The following NAV3 variants were observed in gnomAD, a reference collection of about 807,000 sequenced individuals.
NAV3 encodes the protein pore membrane and/or filament interacting like protein 1.
In NAV3, 87 loss-of-function variants were observed where a neutral mutation model predicts 244.7. The observed-to-expected ratio is 0.36, with a 90% CI of 0.30 to 0.42. NAV3 has a LOEUF of 0.42. Ranked by LOEUF, NAV3 falls within the 20% of genes least tolerant of loss-of-function variation. The pLI, the probability that NAV3 is intolerant of heterozygous loss-of-function variation, is 1.00. For missense variants in NAV3, 2,663 were observed against 2,893.3 expected (o/e 0.92, Z 1.83); for synonymous variants, 1,126 against 1,042.2 (o/e 1.08, Z -1.55).
chr12:77,838,130 A>T (rs2136139128), intron 1 of NAV3, among the ~76,000 whole-genome samples: 1 of 152,314 alleles, frequency 6.6e-6, no homozygotes, highest in Non-Finnish European at 1.5e-5. Flanking sequence ...AGTTATTTGT[A>T]TTTAAAGAAA....
intron 2 of NAV3, among the ~76,000 whole-genome samples, chr12:77,657,646 T>C (rs897290400): frequency 4.6e-5 from 7 of 151,988 alleles, no homozygotes; most frequent in East Asian, 1.9e-4. Flanking sequence ...CGGGCAGAGA[T>C]ACAACCAAAA....
chr12:77,939,311 G>C (rs532892213), intron 1 of NAV3, among the ~76,000 whole-genome samples: 2 of 152,172 alleles, frequency 1.3e-5, no homozygotes, highest in East Asian at 1.9e-4. Flanking sequence ...CCACTGCAAG[G>C]AAGGTCCTTC....
chr12:77,866,945 A>G (rs1880136652), intron 1 of NAV3, among the ~76,000 whole-genome samples: 1 of 152,232 alleles, frequency 6.6e-6, no homozygotes, highest in South Asian at 2.1e-4. Context: ...CTAGAGTATT[A>G]GAATGAACTG....
chr12:78,139,359 C>T (rs1956508890), intron 19 of NAV3, among the ~76,000 whole-genome samples: 1 of 152,088 alleles, frequency 6.6e-6, no homozygotes, highest in South Asian at 2.1e-4. Context: ...CCATATTGAT[C>T]TCAGTAGCAA....
intron 12 of NAV3, among the ~76,000 whole-genome samples, chr12:78,064,414 TCTGTCTGTCTGTCTGC>T (rs1884726341): frequency 7.1e-6 from 1 of 140,036 alleles, no homozygotes. Context: ...TGTCTGTCTG[TCTGTCTGTCTGTCTGC>T]CTGCCTGCCT....
At chr12:77,982,961 T>C (rs1272302324) in intron 5 of NAV3, among the ~76,000 whole-genome samples, 1 of 152,146 alleles carries the variant, frequency 6.6e-6, no homozygotes, top group Non-Finnish European at 1.5e-5. Flanking sequence ...ACTCAGACTC[T>C]AAGAGATGGG....
intron 3 of NAV3, among the ~76,000 whole-genome samples, chr12:77,948,074 A>T (rs113254305): frequency 4.6e-5 from 7 of 151,948 alleles, no homozygotes; most frequent in African/African-American, 7.2e-5. Flanking sequence ...TACCTTGATT[A>T]AAAAAAATGC....
chr12:77,987,236 AT>A (rs1870677226), intron 5 of NAV3, among the ~76,000 whole-genome samples: 1 of 152,218 alleles, frequency 6.6e-6, no homozygotes, highest in South Asian at 2.1e-4. Context: ...AAATACTTCA[AT>A]TGATATTTGA....
chr12:77,688,267 G>C (rs1874848690), intron 2 of NAV3, among the ~76,000 whole-genome samples: 1 of 151,994 alleles, frequency 6.6e-6, no homozygotes, highest in South Asian at 2.1e-4. Flanking sequence ...CTCAAATGGT[G>C]TTTGATAAAG....
chr12:77,886,078 C>T (rs760607226), intron 1 of NAV3, among the ~76,000 whole-genome samples: 3 of 152,034 alleles, frequency 2.0e-5, no homozygotes, highest in East Asian at 1.9e-4. Flanking sequence ...TGTTGGTAGT[C>T]GATAGTCTCA....
chr12:77,954,901 A>T (rs1212099259), intron 3 of NAV3, among the ~76,000 whole-genome samples: 1 of 152,156 alleles, frequency 6.6e-6, no homozygotes, highest in Non-Finnish European at 1.5e-5. Context: ...ATTTAAATGG[A>T]TGTATTCATT....
Position 78,118,214 on chromosome 12 carries a change from C to A in NAV3, c.2957C>A (p.Thr986Lys). The part of the protein sequence containing the change: ...GQKASLSVSQ[T>K]GSWRRGMSAQ... ...AAAGCTTCCCTGTCTGTTTCACAGACAGGTTCCTGGAGAAGAGGCATGTCT... is the reference window on the plus strand; with the variant it reads ...AAAGCTTCCCTGTCTGTTTCACAGAAAGGTTCCTGGAGAAGAGGCATGTCT... The change falls in exon 14 of 40, where the codon ACA becomes AAA. Residue 986 changes from threonine (T) to lysine (K), a missense_variant. By Grantham distance (78) the Thr-to-Lys change is moderately conservative. Coordinates refer to ENST00000397909, the MANE Select transcript of NAV3 (RefSeq NM_001024383.2). The A allele has an allele frequency of 6.2e-7, 1 of 1,613,988 alleles. No individual in the cohort carries two copies. Among genetic ancestry groups the A allele is most frequent in the Non-Finnish European group, 8.5e-7 (1 of 1,179,974 alleles).
intron 4 of NAV3, 92 bp downstream of exon 4, chr12:77,966,393 T>C: frequency 9.5e-7 from 1 of 1,051,152 alleles, no homozygotes; most frequent in Admixed American, 2.4e-5. Context: ...GGAGTATACG[T>C]CTCCTTAATA....
intron 2 of NAV3, among the ~76,000 whole-genome samples, chr12:77,641,320 C>T (rs956736020): frequency 2.0e-5 from 3 of 151,862 alleles, no homozygotes; most frequent in Admixed American, 1.3e-4. Context: ...GCCCCAAAGC[C>T]GAGTTGGGAT....
At chr12:77,730,754 G>A (rs1877084896) in intron 2 of NAV3, among the ~76,000 whole-genome samples, 2 of 150,886 alleles carry the variant, frequency 1.3e-5, no homozygotes, top group South Asian at 4.2e-4. Flanking sequence ...TGAATGGGAT[G>A]GCATAGTGCT....
chr12:78,161,664 A>C (rs550703844), intron 23 of NAV3, among the ~76,000 whole-genome samples: 235 of 152,262 alleles, frequency 1.5e-3, no homozygotes, highest in African/African-American at 5.6e-3. Flanking sequence ...TTTTCTCAGA[A>C]GATATCAGAA....
At chr12:78,148,451 C>A (rs1005225810) in intron 21 of NAV3, among the ~76,000 whole-genome samples, 2 of 151,568 alleles carry the variant, frequency 1.3e-5, no homozygotes, top group African/African-American at 4.8e-5. Context: ...GTATCTTTTA[C>A]TAAAAAAGAA....
intron 2 of NAV3, among the ~76,000 whole-genome samples, chr12:77,795,692 G>A (rs964197978): frequency 1.3e-5 from 2 of 152,228 alleles, no homozygotes; most frequent in South Asian, 2.1e-4. Flanking sequence ...TCAAAGGGTA[G>A]GCTGACTCTA....
intron 8 of NAV3, among the ~76,000 whole-genome samples, chr12:78,020,709 ATTAAAAGCAAAAT>A (rs1326975229): frequency 1.6e-4 from 25 of 152,272 alleles, no homozygotes; most frequent in Admixed American, 3.9e-4. Flanking sequence ...TCAAATTTAG[ATTAAAAGCAAAAT>A]GTTAATTAAG....
Sources: gnomAD v4.1 joint callset for allele counts (sites outside exome capture counted in the v4.1 genomes callset) on GRCh38, gnomAD v4.1.1 for gene constraint, MANE v1.5 for transcripts, NCBI Gene and HGNC (gene_info 2026-07-23, HGNC 2026-07-21) for gene names.